CADPS: variants seen among roughly 807,000 people sequenced by gnomAD.
The protein encoded by CADPS is calcium dependent secretion activator.
Under a neutral mutation model 167.3 loss-of-function variants are expected in CADPS, and 57 were observed. The ratio of observed to expected loss-of-function variants is 0.34; its 90% CI spans 0.28 to 0.42. The LOEUF (loss-of-function observed/expected upper bound fraction) is 0.42, where lower values mean the gene tolerates loss of function less well. CADPS is among the 20% of genes least tolerant of loss of function. The pLI is 1.00. For synonymous variants in CADPS, 676 were observed against 635.3 expected, an observed-to-expected ratio of 1.06 and a Z score of -0.96; for missense variants, 1,414 against 1,738.1, an observed-to-expected ratio of 0.81 and a Z score of 3.32.
chr3:62,682,341 T>C (rs942297203), intron 3 of CADPS, among the ~76,000 whole-genome samples: 1 of 152,006 alleles, frequency 6.6e-6, no homozygotes, highest in Non-Finnish European at 1.5e-5. Flanking sequence ...GACCAGAAAA[T>C]GCCAGAATGG....
chr3:62,456,609 T>A (rs929769238), intron 26 of CADPS, among the ~76,000 whole-genome samples: 2 of 152,110 alleles, frequency 1.3e-5, no homozygotes, highest in African/African-American at 4.8e-5. Flanking sequence ...ATGTGATTGG[T>A]CTTGTTTAAT....
intron 20 of CADPS, 51 bp from the exon 21 acceptor site, chr3:62,491,531 C>A (rs186586405): frequency 1.4e-5 from 18 of 1,310,566 alleles, no homozygotes; most frequent in Non-Finnish European, 1.7e-5. Context: ...ACTTTATCAA[C>A]GTACAACACA....
intron 1 of CADPS, among the ~76,000 whole-genome samples, chr3:62,811,437 A>G (rs1388103068): frequency 6.6e-6 from 1 of 152,180 alleles, no homozygotes; most frequent in Non-Finnish European, 1.5e-5. Context: ...AAATGCATGC[A>G]TTGGGCACTA....
chr3:62,689,997 G>A (rs1370148974), intron 3 of CADPS, among the ~76,000 whole-genome samples: 4 of 152,056 alleles, frequency 2.6e-5, no homozygotes, highest in Non-Finnish European at 4.4e-5. Context: ...GGAGTAATAA[G>A]CATTTTAGCT....
intron 23 of CADPS, among the ~76,000 whole-genome samples, chr3:62,475,796 G>A (rs2061245455): frequency 1.3e-5 from 2 of 152,144 alleles, no homozygotes; most frequent in Admixed American, 1.3e-4. Flanking sequence ...GATGAGGACT[G>A]AGTTGGACAG....
rs182997988 is a variant in CADPS at position 62,537,530 on chromosome 3, C to T, written c.1967-949G>A. On this transcript the variant is annotated intron_variant, in intron 11 of 29. Transcript: ENST00000383710. ...TCACTCCACCTCATCTTTACTGACT[C>T]TCCTGATACGCAGACTTTGGAGAAA... 1.1e-3 allele frequency among the ~76,000 whole-genome samples: 164 copies of T among 152,304 alleles called. 1 individual carries two copies. Among genetic ancestry groups the T allele is most frequent in the African/African-American group, 3.8e-3 (160 of 41,582 alleles).
intron 20 of CADPS, 142 bp from the exon 21 acceptor site, chr3:62,491,622 C>CCTTAGAAGCAG: frequency 4.5e-6 from 3 of 666,604 alleles, no homozygotes; most frequent in Non-Finnish European, 6.9e-6. Context: ...TATACTGCTT[C>CCTTAGAAGCAG]TAAGGAAGCC....
At chr3:62,489,167 A>T (rs573762701) in intron 21 of CADPS, among the ~76,000 whole-genome samples, 1 of 148,150 alleles carries the variant, frequency 6.7e-6, no homozygotes, top group African/African-American at 2.5e-5. Context: ...AACTTTTATT[A>T]TTTTTTTTTT....
chr3:62,512,640 CA>C (rs2151580745), intron 17 of CADPS, 110 bp downstream of exon 17: 1 of 697,090 alleles, frequency 1.4e-6, no homozygotes, highest in African/African-American at 1.8e-5. Context: ...ATTGCAACTC[CA>C]CATGGCTCTC....
intron 1 of CADPS, among the ~76,000 whole-genome samples, chr3:62,807,094 A>C (rs1251305202): frequency 1.3e-5 from 2 of 152,202 alleles, no homozygotes; most frequent in African/African-American, 4.8e-5. Context: ...ATCAGGGAAT[A>C]AGACATTTTG....
In CADPS at chr3:62,791,823, G is replaced by C. The variant is rs374530698; in HGVS notation, c.442-25839C>G. On this transcript the variant is annotated intron_variant, in intron 1 of 29. Coordinates refer to ENST00000383710, the MANE Select transcript of CADPS (RefSeq NM_003716.4). ...GTTAAGCAAGATAGTTTACCTCTCT[G>C]TTTCCCCATCCTTTAAACAGAAACA... Among the ~76,000 whole-genome samples, 3 of 152,168 alleles carry C rather than the reference G, an allele frequency of 2.0e-5. No homozygotes were observed. The East Asian group carries it at 5.8e-4, about 29-fold the overall frequency.
intron 6 of CADPS, among the ~76,000 whole-genome samples, chr3:62,638,445 A>G (rs2066763877): frequency 6.6e-6 from 1 of 152,180 alleles, no homozygotes; most frequent in Admixed American, 6.5e-5. Context: ...CAGTGATAGA[A>G]AAACAGTCCA....
At chr3:62,418,487 ATTTTTT>A (rs5849477) in intron 28 of CADPS, among the ~76,000 whole-genome samples, 2 of 88,864 alleles carry the variant, frequency 2.3e-5, no homozygotes, top group Admixed American at 1.3e-4. Flanking sequence ...ACCATGCCCT[ATTTTTT>A]TTTTTTTTTT....
intron 28 of CADPS, among the ~76,000 whole-genome samples, chr3:62,408,285 G>A (rs2048297108): frequency 6.6e-6 from 1 of 152,204 alleles, no homozygotes; most frequent in African/African-American, 2.4e-5. Flanking sequence ...TGTCTTTAAT[G>A]AAAATTTTGA....
At chr3:62,527,235 T>C (rs1192029773) in intron 13 of CADPS, among the ~76,000 whole-genome samples, 2 of 152,094 alleles carry the variant, frequency 1.3e-5, no homozygotes, top group African/African-American at 4.8e-5. Flanking sequence ...AAAGGAAAAA[T>C]GCAGCTCATC....
chr3:62,762,732 G>C (rs1446433885), intron 2 of CADPS, among the ~76,000 whole-genome samples: 1 of 151,756 alleles, frequency 6.6e-6, no homozygotes, highest in African/African-American at 2.4e-5. Context: ...TTTTATATCA[G>C]GGACTTGAGC....
chr3:62,585,406 T>C, intron 7 of CADPS, 82 bp from the exon 8 acceptor site: 21 of 1,422,854 alleles, frequency 1.5e-5, no homozygotes, highest in South Asian at 2.6e-5. Context: ...TTCTGAGTAG[T>C]GGAGTGACTT....
At chr3:62,817,841 G>T (rs1325490878) in intron 1 of CADPS, among the ~76,000 whole-genome samples, 2 of 152,134 alleles carry the variant, frequency 1.3e-5, no homozygotes, top group Non-Finnish European at 2.9e-5. Flanking sequence ...ATTTTATTTA[G>T]AAAAGAATGC....
chr3:62,499,016 G>A, intron 18 of CADPS, 146 bp downstream of exon 18: 1 of 538,152 alleles, frequency 1.9e-6, no homozygotes, highest in Middle Eastern at 5.1e-4. Flanking sequence ...AAGACTTCTT[G>A]CAAAACTTCC....
Sources: allele counts gnomAD v4.1 joint callset (sites outside exome capture counted in the v4.1 genomes callset), GRCh38; gene constraint gnomAD v4.1.1; transcripts MANE v1.5; gene names NCBI Gene and HGNC (gene_info 2026-07-23, HGNC 2026-07-21).